GULP1: variants seen among roughly 807,000 people sequenced by gnomAD.
GULP1 encodes GULP PTB domain containing engulfment adaptor 1.
In GULP1, 19 loss-of-function variants were observed where a neutral mutation model predicts 40.9. That is an observed-to-expected ratio of 0.46 (90% CI 0.32 to 0.68). GULP1 has a LOEUF of 0.68. Ranked by LOEUF, GULP1 falls within the 30% of genes least tolerant of loss-of-function variation. The probability of loss-of-function intolerance (pLI) is 0.03; values close to 1 mark genes in which losing one functional copy is unlikely to be tolerated. For synonymous variants in GULP1, 119 were observed against 117.6 expected (o/e 1.01, Z -0.08); for missense variants, 312 against 362.2 (o/e 0.86, Z 1.12).
At chr2:188,318,181 G>A (rs956995795) in intron 1 of GULP1, among the ~76,000 whole-genome samples, 6 of 152,112 alleles carry the variant, frequency 3.9e-5, no homozygotes, top group Non-Finnish European at 8.8e-5. Flanking sequence ...ATTAAATAAA[G>A]CAGAATGGAG....
At chr2:188,414,108 T>C (rs1423608985) in intron 2 of GULP1, among the ~76,000 whole-genome samples, 1 of 150,312 alleles carries the variant, frequency 6.7e-6, no homozygotes, top group Admixed American at 6.7e-5. Context: ...TCCCAGCTAC[T>C]CAGGAAGCTG....
chr2:188,499,135 GTATATATATATA>G (rs893185238), intron 4 of GULP1, among the ~76,000 whole-genome samples: 21 of 56,360 alleles, frequency 3.7e-4, no homozygotes, highest in South Asian at 2.4e-3. Context: ...ATATGTGTGT[GTATATATATATA>G]TATATATATA....
chr2:188,593,060 G>A (rs1320206263), intron 11 of GULP1: 2 of 152,014 alleles, frequency 1.3e-5, no homozygotes, highest in Non-Finnish European at 2.9e-5. Flanking sequence ...GCTTCTACAA[G>A]GAGACCTACA....
intron 2 of GULP1, among the ~76,000 whole-genome samples, chr2:188,449,927 T>C (rs1274630068): frequency 6.6e-6 from 1 of 152,220 alleles, no homozygotes; most frequent in Admixed American, 6.5e-5. Flanking sequence ...AGAAAACTGT[T>C]CTTGGCTCTG....
chr2:188,425,619 G>A (rs534896076), intron 2 of GULP1, among the ~76,000 whole-genome samples: 7 of 152,106 alleles, frequency 4.6e-5, no homozygotes, highest in East Asian at 1.9e-4. Flanking sequence ...CTCTTTTCAC[G>A]TATATTTTCC....
At chr2:188,405,647 T>G (rs568707958) in intron 2 of GULP1, among the ~76,000 whole-genome samples, 1 of 152,324 alleles carries the variant, frequency 6.6e-6, no homozygotes, top group South Asian at 2.1e-4. Flanking sequence ...TCCATGCCAG[T>G]GGATCCAGGC....
At chr2:188,431,207 T>C (rs554610497) in intron 2 of GULP1, among the ~76,000 whole-genome samples, 11 of 152,256 alleles carry the variant, frequency 7.2e-5, no homozygotes, top group African/African-American at 2.4e-4. Context: ...CAGAATTAAG[T>C]TATACTGGAG....
At chr2:188,483,700 T>G (rs1234279108) in intron 4 of GULP1, among the ~76,000 whole-genome samples, 1 of 152,220 alleles carries the variant, frequency 6.6e-6, no homozygotes, top group African/African-American at 2.4e-5. Flanking sequence ...AAAATTACTG[T>G]TTTAGTCAAA....
chr2:188,464,168 C>A (rs777516438), intron 2 of GULP1, among the ~76,000 whole-genome samples: 3 of 152,108 alleles, frequency 2.0e-5, no homozygotes, highest in Non-Finnish European at 4.4e-5. Context: ...GCAGGCTTTC[C>A]AGATATTCAA....
At chr2:188,479,541 G>A (rs942275456) in intron 3 of GULP1, among the ~76,000 whole-genome samples, 2 of 152,126 alleles carry the variant, frequency 1.3e-5, no homozygotes, top group Admixed American at 6.6e-5. Context: ...GCCTCCCAAA[G>A]TGTTGGGATT....
At chr2:188,303,978 C>T (rs2036601453) in intron 1 of GULP1, among the ~76,000 whole-genome samples, 1 of 152,088 alleles carries the variant, frequency 6.6e-6, no homozygotes, top group South Asian at 2.1e-4. Context: ...CCCCCCTCTG[C>T]CCTTACAGAA....
intron 2 of GULP1, among the ~76,000 whole-genome samples, chr2:188,400,761 A>G (rs1163538498): frequency 6.6e-6 from 1 of 152,218 alleles, no homozygotes; most frequent in East Asian, 1.9e-4. Flanking sequence ...AATGAAGAAC[A>G]ATAAATTCAA....
intron 1 of GULP1, among the ~76,000 whole-genome samples, chr2:188,345,842 G>GTATT (rs1300598973): frequency 6.6e-6 from 1 of 152,124 alleles, no homozygotes; most frequent in Non-Finnish European, 1.5e-5. Context: ...TAAAGTGTTC[G>GTATT]TATTCATTCA....
At chr2:188,582,328 C>A (rs1287185859) in intron 9 of GULP1, 2 of 469,664 alleles carry the variant, frequency 4.3e-6, no homozygotes, top group African/African-American at 4.0e-5. Flanking sequence ...CTTTTTCTGT[C>A]ATTCCTTTAC....
chr2:188,437,217 T>C (rs1575239348), intron 2 of GULP1, among the ~76,000 whole-genome samples: 2 of 152,098 alleles, frequency 1.3e-5, no homozygotes, highest in Admixed American at 6.6e-5. Flanking sequence ...ACATTTTGTG[T>C]CCAAGGAATG....
intron 6 of GULP1, among the ~76,000 whole-genome samples, chr2:188,536,944 A>G (rs758266439): frequency 4.0e-5 from 6 of 151,546 alleles, no homozygotes; most frequent in Admixed American, 1.3e-4. Context: ...TTTGTTGACT[A>G]TTGGAAATAG....
In GULP1 at chr2:188,541,264, C is replaced by G. The variant is rs1690405374; in HGVS notation, c.345C>G (p.Cys115Trp). ...KTDKRIFTFI[C>W]KDSESNKHLC... ...ACAAGAGGATATTCACTTTCATATG[C>G]AAAGATTCTGAGTCAAATAAACATT... Residue 115 changes from cysteine to tryptophan, a missense_variant, in exon 7 of 12, where the codon TGC becomes TGG. Cys to Trp is a radical substitution (Grantham distance 215, BLOSUM62 -2). Transcript: ENST00000409830. The G allele has an allele frequency of 1.2e-6, 2 of 1,610,988 alleles. No individual in the cohort carries two copies. The highest frequency in any genetic ancestry group is 1.7e-6 in the Non-Finnish European group (2 of 1,177,248).
intron 2 of GULP1, among the ~76,000 whole-genome samples, chr2:188,472,269 T>C (rs2060651299): frequency 6.6e-6 from 1 of 152,166 alleles, no homozygotes. Flanking sequence ...GTGTTAAATC[T>C]GCTTGGTGTT....
intron 1 of GULP1, among the ~76,000 whole-genome samples, chr2:188,367,814 A>G (rs577265284): frequency 6.6e-6 from 1 of 152,258 alleles, no homozygotes; most frequent in South Asian, 2.1e-4. Flanking sequence ...AAGAGTGATC[A>G]GTATCATTAA....
Sources: gnomAD v4.1 joint callset for allele counts (sites outside exome capture counted in the v4.1 genomes callset) on GRCh38, gnomAD v4.1.1 for gene constraint, MANE v1.5 for transcripts, NCBI Gene and HGNC (gene_info 2026-07-23, HGNC 2026-07-21) for gene names.